NXPE2: variants seen among roughly 807,000 people sequenced by gnomAD.
The protein encoded by NXPE2 is NXPE family member 2.
A neutral mutation model predicts 34.4 loss-of-function variants in NXPE2; 34 were observed. That is an observed-to-expected ratio of 0.99 (90% confidence interval 0.75 to 1.31). The LOEUF is 1.31. Among genes scored for constraint, NXPE2 ranks in the 40% most tolerant of loss-of-function variants. The pLI is 0.00. For synonymous variants in NXPE2, 235 were observed against 231.3 expected (o/e 1.02, Z -0.15); for missense variants, 649 against 672.5 (o/e 0.97, Z 0.39).
At chr11:114,793,915 C>T in the NXPE2 span, among the ~76,000 whole-genome samples, 1 of 152,174 alleles carries the variant, frequency 6.6e-6, no homozygotes, top group Admixed American at 6.5e-5. Context: ...AATTTACTGT[C>T]TCTTTCAATC....
the NXPE2 span, among the ~76,000 whole-genome samples, chr11:114,768,180 T>C: frequency 1.3e-5 from 2 of 152,238 alleles, no homozygotes; most frequent in Admixed American, 6.5e-5. Context: ...CCTTTCCCCA[T>C]TTCTTGTTTT....
At chr11:114,559,033 A>G in the NXPE2 span, among the ~76,000 whole-genome samples, 1 of 152,260 alleles carries the variant, frequency 6.6e-6, no homozygotes. Flanking sequence ...TACCTGTAAT[A>G]TGAAGAGCTC....
the NXPE2 span, among the ~76,000 whole-genome samples, chr11:114,471,130 A>C: frequency 1.3e-5 from 2 of 152,120 alleles, no homozygotes; most frequent in African/African-American, 4.8e-5. Flanking sequence ...GAATGTCTTA[A>C]TTTTCATGAA....
At chr11:114,769,754 G>A in the NXPE2 span, among the ~76,000 whole-genome samples, 109 of 152,066 alleles carry the variant, frequency 7.2e-4, no homozygotes, top group Non-Finnish European at 1.4e-3. Context: ...ATAAGTGGGA[G>A]TTGAACAAGG....
At chr11:114,811,914 T>G in the NXPE2 span, among the ~76,000 whole-genome samples, 1 of 152,180 alleles carries the variant, frequency 6.6e-6, no homozygotes, top group Non-Finnish European at 1.5e-5. Flanking sequence ...TAGTAATGTG[T>G]ACCTTAGAGA....
the NXPE2 span, among the ~76,000 whole-genome samples, chr11:114,475,226 G>GTTTTTTTTTTTTTTTTTTTTTTTT: frequency 1.1e-5 from 1 of 88,070 alleles, no homozygotes; most frequent in African/African-American, 4.1e-5. Context: ...AATGTGAACT[G>GTTTTTTTTTTTTTTTTTTTTTTTT]TTTTTTTTTT....
At chr11:114,599,650 C>A in the NXPE2 span, among the ~76,000 whole-genome samples, 1 of 152,124 alleles carries the variant, frequency 6.6e-6, no homozygotes, top group Non-Finnish European at 1.5e-5. Flanking sequence ...TTACTCATGG[C>A]AGAAGGCAAA....
the NXPE2 span, among the ~76,000 whole-genome samples, chr11:114,812,801 G>T: frequency 6.6e-6 from 1 of 152,174 alleles, no homozygotes; most frequent in Non-Finnish European, 1.5e-5. Flanking sequence ...AGGTGGGGGA[G>T]AAGGTGGCAA....
At chr11:114,638,111 T>C in the NXPE2 span, among the ~76,000 whole-genome samples, 3 of 151,744 alleles carry the variant, frequency 2.0e-5, no homozygotes, top group African/African-American at 7.3e-5. Flanking sequence ...CAATGAGATG[T>C]AGATTTGGTC....
intron 2 of NXPE2, among the ~76,000 whole-genome samples, chr11:114,683,086 A>G (rs1950976596): frequency 6.6e-6 from 1 of 152,086 alleles, no homozygotes; most frequent in Admixed American, 6.5e-5. Flanking sequence ...TAAATATAAA[A>G]CCTGATCTAT....
At chr11:114,592,007 G>A in the NXPE2 span, among the ~76,000 whole-genome samples, 3 of 151,984 alleles carry the variant, frequency 2.0e-5, no homozygotes, top group Non-Finnish European at 4.4e-5. Flanking sequence ...CAACAAATTA[G>A]GCATGGAAGA....
chr11:114,562,772 C>T, the NXPE2 span, among the ~76,000 whole-genome samples: 1 of 152,162 alleles, frequency 6.6e-6, no homozygotes, highest in South Asian at 2.1e-4. Flanking sequence ...AATCTAGCTT[C>T]AGATAAGGCT....
chr11:114,722,078 T>C, the NXPE2 span, among the ~76,000 whole-genome samples: 5 of 152,226 alleles, frequency 3.3e-5, no homozygotes, highest in Non-Finnish European at 2.9e-5. Context: ...TTCATGCATC[T>C]AGAAGATTCT....
chr11:114,629,194 C>T, the NXPE2 span, among the ~76,000 whole-genome samples: 1 of 152,022 alleles, frequency 6.6e-6, no homozygotes. Context: ...CATTCTGATA[C>T]CAAAGCCGGG....
chr11:114,551,485 C>T, the NXPE2 span: 29 of 983,852 alleles, frequency 2.9e-5, no homozygotes, highest in Non-Finnish European at 3.4e-5. Context: ...TCTTAATGCC[C>T]TCTGTATTTT....
the NXPE2 span, among the ~76,000 whole-genome samples, chr11:114,588,871 C>G: frequency 1.6e-3 from 251 of 152,306 alleles, 1 homozygote; most frequent in African/African-American, 5.7e-3. Context: ...GTTTATTACA[C>G]AGGCAGCTCC....
the NXPE2 span, among the ~76,000 whole-genome samples, chr11:114,611,835 A>C: frequency 1.3e-5 from 2 of 149,614 alleles, no homozygotes; most frequent in Non-Finnish European, 3.0e-5. Flanking sequence ...TGGATAATAT[A>C]TATTTCCTCA....
the NXPE2 span, among the ~76,000 whole-genome samples, chr11:114,539,322 T>C: frequency 6.6e-6 from 1 of 151,550 alleles, no homozygotes; most frequent in African/African-American, 2.4e-5. Context: ...TTAGGAGATA[T>C]ACCTATTGCT....
At chr11:114,488,458 G>A in the NXPE2 span, among the ~76,000 whole-genome samples, 2 of 152,050 alleles carry the variant, frequency 1.3e-5, no homozygotes, top group African/African-American at 2.4e-5. Context: ...CTAGTTGGAA[G>A]TAAAGCACTC....
Sources: gnomAD v4.1 joint callset for allele counts (sites outside exome capture counted in the v4.1 genomes callset) on GRCh38, gnomAD v4.1.1 for gene constraint, MANE v1.5 for transcripts, NCBI Gene and HGNC (gene_info 2026-07-23, HGNC 2026-07-21) for gene names.